Variants in ADAMTS2 observed in about 807,000 individuals in gnomAD.
ADAMTS2 encodes the protein A disintegrin and metalloproteinase with thrombospondin motifs 2.
Under a neutral mutation model 123.0 loss-of-function variants are expected in ADAMTS2, and 50 were observed. That is an observed-to-expected ratio of 0.41 (90% CI 0.32 to 0.51). ADAMTS2 has a LOEUF of 0.51. Among genes scored for constraint, ADAMTS2 ranks in the 20% least tolerant of loss-of-function variants. ADAMTS2 has a pLI of 0.35. For missense variants in ADAMTS2, 1,494 were observed against 1,705.2 expected (o/e 0.88, Z 2.18); for synonymous variants, 678 against 695.4 (o/e 0.98, Z 0.39).
chr5:179,205,035 T>C (rs1321455858), intron 4 of ADAMTS2, among the ~76,000 whole-genome samples: 1 of 152,248 alleles, frequency 6.6e-6, no homozygotes, highest in African/African-American at 2.4e-5. Context: ...TTAAGAATTT[T>C]TAAATTTCTC....
intron 4 of ADAMTS2, among the ~76,000 whole-genome samples, chr5:179,187,335 T>C (rs986888090): frequency 6.6e-6 from 1 of 152,216 alleles, no homozygotes; most frequent in Non-Finnish European, 1.5e-5. Flanking sequence ...CGGGCTGCCC[T>C]GGCCCTGCTC....
At chr5:179,148,130 T>A (rs1763285974) in intron 10 of ADAMTS2, among the ~76,000 whole-genome samples, 1 of 152,054 alleles carries the variant, frequency 6.6e-6, no homozygotes, top group African/African-American at 2.4e-5. Flanking sequence ...TGGCCTCTAC[T>A]TACGCCTCAG....
At chr5:179,229,266 CCCG>C (rs1765354416) in intron 3 of ADAMTS2, among the ~76,000 whole-genome samples, 1 of 151,860 alleles carries the variant, frequency 6.6e-6, no homozygotes, top group African/African-American at 2.4e-5. Context: ...AACACGAGAC[CCCG>C]CTGCCCACTC....
At position 179,139,755 on chromosome 5, in the gene ADAMTS2, C is replaced by T. The variant is rs554405641; in HGVS notation, c.1775+135G>A. The T allele has an allele frequency of 2.7e-4, 366 of 1,345,194 alleles. 6 individuals carry two copies. In the South Asian group the frequency reaches 2.9e-3, roughly 11 times the overall value. The allele number at this position is 1,345,194 out of a possible 1,614,324, so 83.3% of individuals were successfully genotyped here. ...CCCCTCCCAGGTAGGGTGAGGCAGG[C>T]GGGGCAGCCTGCCCTGCACCTCTCC... is the stretch of plus-strand genomic sequence containing the variant. On this transcript the variant is annotated intron_variant, in intron 11 of 21. Transcript: ENST00000251582.
At chr5:179,282,173 T>C (rs910245943) in intron 2 of ADAMTS2, among the ~76,000 whole-genome samples, 3 of 152,250 alleles carry the variant, frequency 2.0e-5, no homozygotes, top group African/African-American at 7.2e-5. Context: ...TTTTTTCTTT[T>C]GTCCACTTGT....
chr5:179,248,835 G>A (rs1005989925), intron 3 of ADAMTS2, among the ~76,000 whole-genome samples: 8 of 151,976 alleles, frequency 5.3e-5, no homozygotes, highest in East Asian at 1.9e-4. Context: ...TAAAACAACC[G>A]GCACATGATC....
chr5:179,206,362 C>T (rs1183302770), intron 4 of ADAMTS2, among the ~76,000 whole-genome samples: 1 of 152,154 alleles, frequency 6.6e-6, no homozygotes, highest in Non-Finnish European at 1.5e-5. Context: ...AGGGGCTCAC[C>T]CCTGGTCCGA....
At chr5:179,211,866 G>A (rs967360942) in intron 3 of ADAMTS2, among the ~76,000 whole-genome samples, 3 of 152,176 alleles carry the variant, frequency 2.0e-5, no homozygotes, top group Non-Finnish European at 4.4e-5. Flanking sequence ...ACCCCCAGCA[G>A]CCATCCAATC....
Position 179,125,114 on chromosome 5 carries a change from G to A in ADAMTS2, c.2817C>T (p.Ser939=), listed in dbSNP as rs201215425. Residue 939 remains serine, a synonymous_variant, in exon 19 of 22, where the codon TCC becomes TCT. Transcript: ENST00000251582. The stretch of plus-strand genomic sequence containing the variant: ...CGTGTAGCGGCTGAATGCAGCGCAC[G>A]GAGCGCACCTGCATGCCTGTCCGCC... ...TCGRTGMQVR[S]VRCIQPLHDN... The A allele has an allele frequency of 1.8e-4, 295 of 1,612,846 alleles. No homozygotes were observed. Among genetic ancestry groups the A allele is most frequent in the Non-Finnish European group, 2.3e-4 (271 of 1,179,922 alleles).
intron 3 of ADAMTS2, among the ~76,000 whole-genome samples, chr5:179,250,662 T>C (rs569195127): frequency 8.5e-5 from 13 of 152,360 alleles, no homozygotes; most frequent in African/African-American, 3.1e-4. Context: ...CAGCATTACC[T>C]GCTTTCTGGC....
intron 2 of ADAMTS2, among the ~76,000 whole-genome samples, chr5:179,273,900 G>T (rs940972241): frequency 6.6e-6 from 1 of 151,824 alleles, no homozygotes. Flanking sequence ...CCCAGACCGC[G>T]GCTTGCACCA....
intron 2 of ADAMTS2, among the ~76,000 whole-genome samples, chr5:179,319,159 T>C (rs911326237): frequency 6.6e-6 from 1 of 151,978 alleles, no homozygotes; most frequent in African/African-American, 2.4e-5. Context: ...ACGTGTGCAC[T>C]CACACGCAGG....
intron 2 of ADAMTS2, among the ~76,000 whole-genome samples, chr5:179,304,976 G>A (rs1194313596): frequency 6.6e-6 from 1 of 150,822 alleles, no homozygotes; most frequent in Non-Finnish European, 1.5e-5. Context: ...ACTTATAGGG[G>A]AAAAATGGTT....
chr5:179,336,965 C>T (rs1757629591), intron 2 of ADAMTS2, among the ~76,000 whole-genome samples: 4 of 152,204 alleles, frequency 2.6e-5, no homozygotes, highest in Admixed American at 2.6e-4. Context: ...GTTCCCTGTG[C>T]CTCTGAGCGG....
At chr5:179,257,554 G>A (rs191453) in intron 3 of ADAMTS2, among the ~76,000 whole-genome samples, 111,873 of 152,144 alleles carry the variant, frequency 0.74, 42,738 homozygotes, top group East Asian at 0.99. Flanking sequence ...GGGGCCCTGC[G>A]CCCTCCCCGC....
intron 2 of ADAMTS2, among the ~76,000 whole-genome samples, chr5:179,315,603 G>A (rs767051950): frequency 9.9e-5 from 15 of 152,208 alleles, no homozygotes; most frequent in Admixed American, 2.6e-4. Context: ...TCTGAGTGGC[G>A]CAGGTACTAC....
At chr5:179,171,532 A>G (rs1270414155) in intron 5 of ADAMTS2, among the ~76,000 whole-genome samples, 1 of 152,142 alleles carries the variant, frequency 6.6e-6, no homozygotes, top group Non-Finnish European at 1.5e-5. Context: ...CCCCCCAGAG[A>G]AGGGCACAGC....
chr5:179,220,771 C>T (rs1202428077), intron 3 of ADAMTS2, among the ~76,000 whole-genome samples: 2 of 152,232 alleles, frequency 1.3e-5, no homozygotes, highest in Non-Finnish European at 2.9e-5. Flanking sequence ...ACCTGCCAAC[C>T]TCAGTTTCCC....
At chr5:179,257,488 C>A (rs1409853911) in intron 3 of ADAMTS2, among the ~76,000 whole-genome samples, 1 of 152,160 alleles carries the variant, frequency 6.6e-6, no homozygotes, top group Non-Finnish European at 1.5e-5. Context: ...TGCTCCGAAC[C>A]CGGCGCCACG....
Sources: gnomAD v4.1 joint callset for allele counts (sites outside exome capture counted in the v4.1 genomes callset) on GRCh38, gnomAD v4.1.1 for gene constraint, MANE v1.5 for transcripts, NCBI Gene and HGNC (gene_info 2026-07-23, HGNC 2026-07-21) for gene names.